The following FOXP4 variants were observed in gnomAD, a reference collection of about 807,000 sequenced individuals.
FOXP4 encodes forkhead box P4, also known as forkhead box protein P4.
In FOXP4, 25 loss-of-function variants were observed where a neutral mutation model predicts 82.6. The observed-to-expected ratio is 0.30, with a 90% confidence interval of 0.22 to 0.42. The LOEUF is 0.42. Ranked by LOEUF, FOXP4 falls within the 10% of genes least tolerant of loss-of-function variation. The pLI, the probability that FOXP4 is intolerant of heterozygous loss-of-function variation, is 1.00. For missense variants in FOXP4, 785 were observed against 900.9 expected (o/e 0.87, Z 1.65); for synonymous variants, 415 against 388.2 (o/e 1.07, Z -0.81).
At chr6:41,597,071 A>C in intron 14 of FOXP4, 105 bp from the exon 15 acceptor site, 8 of 1,186,520 alleles carry the variant, frequency 6.7e-6, no homozygotes, top group Non-Finnish European at 1.0e-5. Flanking sequence ...GGAATAGGGA[A>C]TGGGACCCAT....
chr6:41,565,340 A>T (rs891336297), intron 1 of FOXP4, among the ~76,000 whole-genome samples: 1 of 152,220 alleles, frequency 6.6e-6, no homozygotes, highest in Non-Finnish European at 1.5e-5. Context: ...AGCCTGGGCA[A>T]TAGAGCGAGA....
In FOXP4 at chr6:41,594,785, G is replaced by T. The variant is rs1766724858; in HGVS notation, c.1537-85G>T. 1.9e-6 allele frequency: 3 copies of T among 1,577,794 alleles called. No individual in the cohort carries two copies. In the African/African-American group the frequency reaches 4.0e-5, roughly 21 times the overall value. ...GCTGGGGAAGGTGGGCCGCTGCTGCGTGGGACATGGGATGGGATGAGGACT... is the reference window on the plus strand; with the variant it reads ...GCTGGGGAAGGTGGGCCGCTGCTGCTTGGGACATGGGATGGGATGAGGACT... On this transcript the variant is annotated intron_variant, in intron 13 of 16. Coordinates refer to ENST00000307972, the MANE Select transcript of FOXP4 (RefSeq NM_001012426.2).
chr6:41,585,628 A>G (rs1193663059), intron 5 of FOXP4, 111 bp downstream of exon 5: 5 of 931,844 alleles, frequency 5.4e-6, no homozygotes, highest in East Asian at 2.7e-5. Context: ...AAATCTAGAA[A>G]AGGCTGAGGA....
rs199766169 is a variant in FOXP4 at position 41,587,451 on chromosome 6, C to A, written c.811C>A (p.Pro271Thr). ...SFAAPPKVSP[P>T]LSHHTLPNGQ... ...TGCCGCTCCCCCCAAGGTCTCACCC[C>A]CCCTCTCCCACCATACCCTGCCCAA... is the stretch of plus-strand genomic sequence containing the variant. The change falls in exon 7 of 17, where the codon CCC becomes ACC. Residue 271 changes from proline to threonine, a missense_variant. This residue lies in a region of FOXP4 where 570 missense variants were observed against 634.0 expected (regional missense o/e 0.90). Coordinates refer to ENST00000307972, the MANE Select transcript of FOXP4 (RefSeq NM_001012426.2). 4 of 1,557,992 alleles carry A rather than the reference C, an allele frequency of 2.6e-6. No individual in the cohort carries two copies. The highest frequency in any genetic ancestry group is 2.7e-5 in the African/African-American group (2 of 73,764).
intron 2 of FOXP4, among the ~76,000 whole-genome samples, chr6:41,575,380 C>T (rs1314256903): frequency 1.3e-5 from 2 of 152,150 alleles, no homozygotes; most frequent in African/African-American, 2.4e-5. Context: ...GTCCCTGGCA[C>T]GCAGCAGGTA....
intron 1 of FOXP4, among the ~76,000 whole-genome samples, chr6:41,560,584 C>T (rs374195302): frequency 6.6e-6 from 1 of 152,216 alleles, no homozygotes; most frequent in Non-Finnish European, 1.5e-5. Context: ...TGGGGGCTGC[C>T]CCGCCCCTCT....
chr6:41,566,478 G>A (rs1021664154), intron 2 of FOXP4, among the ~76,000 whole-genome samples: 2 of 152,218 alleles, frequency 1.3e-5, no homozygotes, highest in Admixed American at 1.3e-4. Flanking sequence ...GGCCAAGAGA[G>A]GTAAGCAAAG....
In FOXP4 at chr6:41,558,041, G is replaced by C. The variant is rs917735181; in HGVS notation, c.-16-7704G>C. Among the ~76,000 whole-genome samples, 2 of 152,140 alleles carry C rather than the reference G, an allele frequency of 1.3e-5. No homozygotes were observed. On this transcript the variant is annotated intron_variant, in intron 1 of 16. Transcript: ENST00000307972. The surrounding 1 kb of genome is among the most constrained non-coding windows in gnomAD (Gnocchi z 4.0). ...CTAGAGTTGGGGTAGGCAGCTTCTA[G>C]GATGTCACAGTCATTGAGGGAGACT...
Position 41,587,814 on chromosome 6 carries a change from C to T in FOXP4, c.894C>T (p.Pro298=), listed in dbSNP as rs375040537. The T allele has an allele frequency of 7.7e-6, 12 of 1,567,046 alleles. No individual in the cohort carries two copies. The highest frequency in any genetic ancestry group is 4.7e-5 in the East Asian group (2 of 42,110). Residue 298 remains proline, a synonymous_variant, in exon 8 of 17, where the codon CCC becomes CCT. Coordinates refer to ENST00000307972, the MANE Select transcript of FOXP4 (RefSeq NM_001012426.2). ...RRDSSSHEET[P]GSHPLYGHGE... ...CCAGCTCTTCCCACGAGGAGACCCC[C>T]GGCTCCCACCCCCTGTACGGACACG...
intron 2 of FOXP4, among the ~76,000 whole-genome samples, chr6:41,567,186 G>A (rs1764931798): frequency 6.6e-6 from 1 of 152,198 alleles, no homozygotes; most frequent in Non-Finnish European, 1.5e-5. Flanking sequence ...CAAGTCATGA[G>A]CCTGCCTGAG....
chr6:41,580,372 G>A (rs568665185), intron 3 of FOXP4, among the ~76,000 whole-genome samples: 3 of 152,132 alleles, frequency 2.0e-5, no homozygotes, highest in South Asian at 2.1e-4. Flanking sequence ...CATCGTGCCC[G>A]GCCAGTAGAA....
At chr6:41,598,744 A>G in intron 16 of FOXP4, 45 bp from the exon 17 acceptor site, 1 of 1,548,758 alleles carries the variant, frequency 6.5e-7, no homozygotes, top group Non-Finnish European at 8.7e-7. Flanking sequence ...GGCAGAGGGC[A>G]TCAGAGGACA....
At position 41,599,300 on chromosome 6, in the gene FOXP4, G is replaced by C. The variant is rs1294290968; in HGVS notation, c.*364G>C. ...AGCATCATGGAGACCCGCAGGCGGG[G>C]CTTAGCCACCCCTCAAACCCAGGGC... On this transcript the variant is annotated 3_prime_UTR_variant, in exon 17 of 17. Transcript: ENST00000307972. 5.5e-6 allele frequency: 1 copy of C among 181,670 alleles called. No homozygotes were observed. The highest frequency in any genetic ancestry group is 1.5e-4 in the East Asian group (1 of 6,838). 11.3% of individuals were successfully genotyped at this position (181,670 alleles called of 1,614,324 possible).
chr6:41,569,935 T>C (rs73733280), intron 2 of FOXP4, among the ~76,000 whole-genome samples: 2,460 of 152,072 alleles, frequency 0.016, 69 homozygotes, highest in African/African-American at 0.055. Flanking sequence ...TGTCAGGCAG[T>C]TGGGGGAGGG....
In FOXP4 at chr6:41,585,539, C is replaced by T. The variant is rs368953290; in HGVS notation, c.510+22C>T. 1.1e-5 allele frequency: 18 copies of T among 1,607,514 alleles called. No homozygotes were observed. In the African/African-American group the frequency reaches 1.6e-4, roughly 14 times the overall value. On this transcript the variant is annotated intron_variant, in intron 5 of 16. Transcript: ENST00000307972. ...AGAGGTAAGGGGCTGTACCAGGGCCCACCACCGCCCTCACCCCCTGCCCAG... is the reference window on the plus strand; with the variant it reads ...AGAGGTAAGGGGCTGTACCAGGGCCTACCACCGCCCTCACCCCCTGCCCAG...
intron 16 of FOXP4, among the ~76,000 whole-genome samples, chr6:41,598,168 TCTC>T (rs1238480861): frequency 6.7e-6 from 1 of 148,446 alleles, no homozygotes; most frequent in African/African-American, 2.5e-5. Context: ...CTTCCCACCT[TCTC>T]CTCCCCATTT....
At chr6:41,566,063 C>A in intron 2 of FOXP4, 99 bp downstream of exon 2, 1 of 1,299,922 alleles carries the variant, frequency 7.7e-7, no homozygotes, top group Non-Finnish European at 1.1e-6. Context: ...CCCTGCCAGG[C>A]AGCCTCACTT....
chr6:41,584,979 C>T (rs947511869), intron 4 of FOXP4, 88 bp downstream of exon 4: 20 of 1,458,704 alleles, frequency 1.4e-5, no homozygotes, highest in Admixed American at 2.4e-5. Context: ...AGGGCCCAAG[C>T]TGTCCCAGAA....
At chr6:41,561,775 G>A (rs1286995411) in intron 1 of FOXP4, among the ~76,000 whole-genome samples, 1 of 152,200 alleles carries the variant, frequency 6.6e-6, no homozygotes, top group African/African-American at 2.4e-5. Flanking sequence ...ATGTCCACAT[G>A]CCAGACTGAG....
Sources: allele counts gnomAD v4.1 joint callset (sites outside exome capture counted in the v4.1 genomes callset), GRCh38; gene constraint gnomAD v4.1.1; regional missense constraint gnomAD v4.1.1; non-coding constraint Gnocchi (gnomAD v3.1); transcripts MANE v1.5; gene names NCBI Gene and HGNC (gene_info 2026-07-23, HGNC 2026-07-21).